GREB1: variants seen among roughly 807,000 people sequenced by gnomAD.
The protein encoded by GREB1 is protein GREB1.
GREB1 carries 106 observed loss-of-function variants against 200.7 expected under a neutral mutation model. The ratio of observed to expected loss-of-function variants is 0.53; its 90% confidence interval spans 0.45 to 0.62. GREB1 has a LOEUF of 0.62. Among genes scored for constraint, GREB1 ranks in the 20% least tolerant of loss-of-function variants. GREB1 has a pLI of 0.00. For synonymous variants in GREB1, 1,132 were observed against 1,092.4 expected, an observed-to-expected ratio of 1.04 and a Z score of -0.72; for missense variants, 2,243 against 2,556.8, an observed-to-expected ratio of 0.88 and a Z score of 2.65.
chr2:11,633,506 G>T lies in GREB1; in HGVS notation c.4991+443G>T, dbSNP rs565096243. Among the ~76,000 whole-genome samples the T allele has an allele frequency of 6.6e-6, 1 of 151,582 alleles. No individual in the cohort carries two copies. The highest frequency in any genetic ancestry group is 6.6e-5 in the Admixed American group (1 of 15,216). ...GTGAACCCGGGAGGCGGAGCTTGTA[G>T]TAAGTGGAGATGGCGCCACTGCACT... On this transcript the variant is annotated intron_variant, in intron 28 of 32. Coordinates refer to ENST00000381486, the MANE Select transcript of GREB1 (RefSeq NM_014668.4). The surrounding 1 kb of genome is among the most constrained non-coding windows in gnomAD (Gnocchi z 4.1).
In GREB1 at chr2:11,566,501, A is replaced by AC; in HGVS notation, c.301dup (p.Leu101ProfsTer37). On this transcript the variant is annotated frameshift_variant, in exon 4 of 33. Transcript: ENST00000381486. LOFTEE classifies it high-confidence loss of function. The stretch of plus-strand genomic sequence containing the variant: ...CTAGGGTTTTGCCAGGCCGGGAAGG[A>AC]CCTGCGCCTTGTCTCCATTTCCAAC... 6.2e-7 allele frequency: 1 copy of AC among 1,612,254 alleles called. No individual in the cohort carries two copies. The highest frequency in any genetic ancestry group is 8.5e-7 in the Non-Finnish European group (1 of 1,179,138).
chr2:11,615,238 T>G lies in GREB1; in HGVS notation c.3270T>G (p.Asp1090Glu), dbSNP rs1363601348. ...CTAGGAACGAGGCCTTGGAGAGTGATGCTGAGAAGCTGAGCAGCACAGACA... is the reference window on the plus strand; with the variant it reads ...CTAGGAACGAGGCCTTGGAGAGTGAGGCTGAGAAGCTGAGCAGCACAGACA... ...KGARNEALES[D>E]AEKLSSTDNE... Residue 1090 changes from aspartate (D) to glutamate (E), a missense_variant, in exon 20 of 33, where the codon GAT becomes GAG. Transcript: ENST00000381486. 4.3e-6 allele frequency: 7 copies of G among 1,612,004 alleles called. No individual in the cohort carries two copies. Among genetic ancestry groups the G allele is most frequent in the South Asian group, 1.1e-5 (1 of 90,668 alleles).
chr2:11,567,783 C>G (rs1677826838), intron 4 of GREB1, among the ~76,000 whole-genome samples: 1 of 152,200 alleles, frequency 6.6e-6, no homozygotes, highest in Admixed American at 6.5e-5. Flanking sequence ...GCAGGCTCCC[C>G]CATTGTGGAG....
rs889661849 is a variant in GREB1 at position 11,588,034 on chromosome 2, T to A, written c.1160-712T>A. 61 of 736,306 alleles carry A rather than the reference T, an allele frequency of 8.3e-5. No individual in the cohort carries two copies. In the African/African-American group the frequency reaches 1.1e-3, roughly 13 times the overall value. The allele number at this position is 736,306 out of a possible 1,614,324, so 45.6% of individuals were successfully genotyped here. Reference sequence around the variant, plus strand: ...TTAGGTCAGAAGTTCAAGATCAGCCTGGGCAACATGGTGAAACCTTGTCTC... The same window carrying A: ...TTAGGTCAGAAGTTCAAGATCAGCCAGGGCAACATGGTGAAACCTTGTCTC... On this transcript the variant is annotated intron_variant, in intron 9 of 32. Transcript: ENST00000381486.
chr2:11,628,937 G>T (rs1260165581), intron 25 of GREB1, among the ~76,000 whole-genome samples: 1 of 152,178 alleles, frequency 6.6e-6, no homozygotes, highest in East Asian at 1.9e-4. Context: ...AGGCCGCGTG[G>T]CCCCCTGGCT....
At chr2:11,511,869 G>A (rs1253463874) in intron 1 of GREB1, among the ~76,000 whole-genome samples, 6 of 152,226 alleles carry the variant, frequency 3.9e-5, no homozygotes, top group East Asian at 1.9e-4. Context: ...GACACACCTC[G>A]GATGCCTGGC....
In GREB1 at chr2:11,618,920, G is replaced by A. The variant is rs1202838781; in HGVS notation, c.4044+1G>A. The stretch of plus-strand genomic sequence containing the variant: ...GCTGCTGCTCAGCGGCCCCCCTCAG[G>A]TGAGTGTTGCTCGCTGCCCCAGCAC... On this transcript the variant is annotated splice_donor_variant, in intron 22 of 32. Coordinates refer to ENST00000381486, the MANE Select transcript of GREB1 (RefSeq NM_014668.4). LOFTEE classifies it high-confidence loss of function. 1 of 1,505,310 alleles carries A rather than the reference G, an allele frequency of 6.6e-7. No individual in the cohort carries two copies. The highest frequency in any genetic ancestry group is 8.8e-7 in the Non-Finnish European group (1 of 1,130,566). The allele number at this position is 1,505,310 out of a possible 1,614,324, so 93.2% of individuals were successfully genotyped here.
rs199936103 is a variant in GREB1, at chr2:11,618,341, G to A, written c.3466G>A (p.Glu1156Lys). Residue 1156 changes from glutamate (E) to lysine (K), a missense_variant, in exon 22 of 33, where the codon GAG becomes AAG. Physicochemically the swap from Glu to Lys is moderately conservative, Grantham distance 56 (BLOSUM62 1). Around this residue, in one of 3 missense-constraint regions of GREB1, gnomAD observed 587 missense variants for 553.1 expected, o/e 1.06. Coordinates refer to ENST00000381486, the MANE Select transcript of GREB1 (RefSeq NM_014668.4). ...SAQPTALPQG[E>K]HARSPQPRGP... ...TCAGCCCACAGCACTCCCCCAGGGA[G>A]AGCATGCCAGGTCGCCCCAGCCCCG... The A allele has an allele frequency of 1.6e-5, 26 of 1,606,762 alleles. No individual in the cohort carries two copies. In the Admixed American group the frequency reaches 4.0e-4, roughly 25 times the overall value.
chr2:11,602,764 G>C (rs926516233), intron 17 of GREB1, among the ~76,000 whole-genome samples: 10 of 152,180 alleles, frequency 6.6e-5, no homozygotes, highest in African/African-American at 1.9e-4. Flanking sequence ...TTTTAGAGAT[G>C]ACAATGAGCG....
chr2:11,554,251 C>T (rs565906884), intron 1 of GREB1, among the ~76,000 whole-genome samples: 6 of 152,300 alleles, frequency 3.9e-5, no homozygotes, highest in Admixed American at 3.3e-4. Context: ...CTCATTTCCC[C>T]AGGCTATAAG....
In GREB1 at chr2:11,566,629, G is replaced by A. The variant is rs1162600928; in HGVS notation, c.427G>A (p.Asp143Asn). ...VCAVDKRFLP[D>N]DNGHNALLGF... ...CGCCGTTGACAAGAGGTTCTTGCCAGATGACAATGGCCACAATGCTCTTCT... is the reference window on the plus strand; with the variant it reads ...CGCCGTTGACAAGAGGTTCTTGCCAAATGACAATGGCCACAATGCTCTTCT... The change falls in exon 4 of 33, where the codon GAT (aspartate) becomes AAT (asparagine). Residue 143 changes from aspartate to asparagine, a missense_variant. Asp to Asn is a conservative substitution (Grantham distance 23). Transcript: ENST00000381486. The A allele has an allele frequency of 1.2e-6, 2 of 1,613,630 alleles. No homozygotes were observed. Among genetic ancestry groups the A allele is most frequent in the Non-Finnish European group, 1.7e-6 (2 of 1,179,778 alleles).
At chr2:11,540,384 C>G (rs905326018) in intron 1 of GREB1, among the ~76,000 whole-genome samples, 1 of 152,198 alleles carries the variant, frequency 6.6e-6, no homozygotes, top group African/African-American at 2.4e-5. Context: ...ACTGCTTGGG[C>G]CCTGCCTGGT....
At chr2:11,616,173 C>T (rs757422992) in intron 20 of GREB1, among the ~76,000 whole-genome samples, 7 of 152,258 alleles carry the variant, frequency 4.6e-5, no homozygotes, top group Non-Finnish European at 1.0e-4. Flanking sequence ...AGCACTGGCC[C>T]ACGTTAAACT....
intron 32 of GREB1, among the ~76,000 whole-genome samples, chr2:11,639,272 A>G (rs1685628576): frequency 1.3e-5 from 2 of 152,124 alleles, no homozygotes; most frequent in African/African-American, 4.8e-5. Flanking sequence ...TATTTTTAGT[A>G]GAGACAGGGT....
chr2:11,581,214 T>C, intron 7 of GREB1: 1 of 566,718 alleles, frequency 1.8e-6, no homozygotes, highest in Non-Finnish European at 3.1e-6. Flanking sequence ...CCGCTGTCTC[T>C]TGTTAGTCAG....
At chr2:11,499,915 C>T (rs1005451731) in intron 1 of GREB1, among the ~76,000 whole-genome samples, 23 of 151,886 alleles carry the variant, frequency 1.5e-4, no homozygotes, top group African/African-American at 5.6e-4. Context: ...TACATAATTT[C>T]TTTATATTAT....
chr2:11,556,955 TA>T (rs765648578), intron 2 of GREB1, among the ~76,000 whole-genome samples, 184 bp downstream of exon 2: 2 of 152,194 alleles, frequency 1.3e-5, no homozygotes, highest in Non-Finnish European at 2.9e-5. Flanking sequence ...GTTTCAGCCA[TA>T]AAATTGCAAG....
chr2:11,560,785 G>T (rs530937469), intron 2 of GREB1, among the ~76,000 whole-genome samples: 40 of 152,026 alleles, frequency 2.6e-4, no homozygotes, highest in Non-Finnish European at 5.0e-4. Flanking sequence ...GTTCCCTGAA[G>T]AACTCTGTAT....
At chr2:11,508,598 GAACA>G (rs1479527869) in intron 1 of GREB1, among the ~76,000 whole-genome samples, 2 of 152,028 alleles carry the variant, frequency 1.3e-5, no homozygotes, top group South Asian at 4.1e-4. Flanking sequence ...ATCCTCCCAA[GAACA>G]AACAGTCATT....
Sources: gnomAD v4.1 joint callset for allele counts (sites outside exome capture counted in the v4.1 genomes callset) on GRCh38, gnomAD v4.1.1 for gene constraint, gnomAD v4.1.1 regional missense constraint, Gnocchi (gnomAD v3.1) non-coding constraint, MANE v1.5 for transcripts, NCBI Gene and HGNC (gene_info 2026-07-23, HGNC 2026-07-21) for gene names.